The following PTPDC1 variants were observed in gnomAD, a reference collection of about 807,000 sequenced individuals.
PTPDC1 encodes the protein protein tyrosine phosphatase domain containing 1.
Under a neutral mutation model 75.3 loss-of-function variants are expected in PTPDC1, and 53 were observed. The ratio of observed to expected loss-of-function variants is 0.70; its 90% CI spans 0.56 to 0.88. The LOEUF (loss-of-function observed/expected upper bound fraction) is 0.88, where lower values mean the gene tolerates loss of function less well. Among genes scored for constraint, PTPDC1 ranks in the 40% least tolerant of loss-of-function variants. The pLI is 0.00. For missense variants in PTPDC1, 925 were observed against 998.6 expected (o/e 0.93, Z 0.99); for synonymous variants, 349 against 366.2 (o/e 0.95, Z 0.54).
rs1827672810 is a variant in PTPDC1 at position 94,097,928 on chromosome 9, G to A, written c.1362G>A (p.Arg454=). 1.9e-6 allele frequency: 3 copies of A among 1,613,986 alleles called. No homozygotes were observed. Among genetic ancestry groups the A allele is most frequent in the African/African-American group, 2.7e-5 (2 of 74,888 alleles). The change falls in exon 6 of 9, where the codon AGG becomes AGA. Residue 454 remains arginine, a synonymous_variant. Transcript: ENST00000620992. ...RLSYSDSDLK[R]AENLLEQGET... The stretch of plus-strand genomic sequence containing the variant: ...GCTACAGTGACTCAGATTTAAAGAG[G>A]GCCGAGAACCTCCTGGAGCAAGGGG...
At chr9:94,046,197 G>A (rs1825593905) in intron 1 of PTPDC1, among the ~76,000 whole-genome samples, 1 of 152,216 alleles carries the variant, frequency 6.6e-6, no homozygotes, top group East Asian at 1.9e-4. Flanking sequence ...CTGTTCCATT[G>A]GTCTATATCT....
At position 94,088,159 on chromosome 9, in the gene PTPDC1, C is replaced by T; in HGVS notation, c.512C>T (p.Thr171Ile). Residue 171 changes from threonine to isoleucine, a missense_variant, in exon 4 of 9, where the codon ACA becomes ATA. Transcript: ENST00000620992. Reference sequence around the variant, plus strand: ...TTTCCTTTAAGCCATGGCATAAAAACAATAATCAACCTCCAGCGCCCTGGT... The same window carrying T: ...TTTCCTTTAAGCCATGGCATAAAAATAATAATCAACCTCCAGCGCCCTGGT... ...IDQFLSHGIK[T>I]IINLQRPGEH... is the part of the protein sequence containing the mutation. The T allele has an allele frequency of 6.2e-7, 1 of 1,613,274 alleles. No individual in the cohort carries two copies. The highest frequency in any genetic ancestry group is 1.1e-5 in the South Asian group (1 of 90,874).
intron 1 of PTPDC1, among the ~76,000 whole-genome samples, chr9:94,059,169 G>T (rs770330361): frequency 8.6e-5 from 13 of 151,914 alleles, no homozygotes; most frequent in Non-Finnish European, 1.8e-4. Flanking sequence ...ATACAAGATG[G>T]TAAAAAAAAA....
chr9:94,076,847 A>T (rs1826710914), intron 2 of PTPDC1, among the ~76,000 whole-genome samples: 1 of 151,984 alleles, frequency 6.6e-6, no homozygotes, highest in Non-Finnish European at 1.5e-5. Flanking sequence ...GATACTTATT[A>T]TTGTCGGGCA....
intron 6 of PTPDC1, among the ~76,000 whole-genome samples, chr9:94,099,253 A>G (rs1827746684): frequency 6.6e-6 from 1 of 152,188 alleles, no homozygotes; most frequent in South Asian, 2.1e-4. Flanking sequence ...ATACAGTCAT[A>G]AGTCAGCCAC....
At chr9:94,080,667 C>G (rs1826846948), upstream of PTPDC1, among the ~76,000 whole-genome samples, 1 of 152,210 alleles carries the variant, frequency 6.6e-6, no homozygotes, top group Non-Finnish European at 1.5e-5. Context: ...CTGGCCTATA[C>G]TCTTCAAAAG....
chr9:94,038,140 C>T (rs1326638262), intron 1 of PTPDC1: 1 of 602,874 alleles, frequency 1.7e-6, no homozygotes, highest in Non-Finnish European at 3.1e-6. Flanking sequence ...ATGGTCTCTT[C>T]GGGCAGAAGA....
chr9:94,055,716 A>T (rs145342144), intron 1 of PTPDC1, among the ~76,000 whole-genome samples: 2,219 of 152,300 alleles, frequency 0.015, 40 homozygotes, highest in African/African-American at 0.05. Context: ...TCAAACCTGC[A>T]CATTGTGCAC....
chr9:94,085,934 A>G (rs1249869152), intron 2 of PTPDC1, among the ~76,000 whole-genome samples: 1 of 152,154 alleles, frequency 6.6e-6, no homozygotes, highest in African/African-American at 2.4e-5. Flanking sequence ...TGCTTTTTTT[A>G]TGGTGTATAA....
chr9:94,094,482 C>A (rs1214109149), intron 4 of PTPDC1, among the ~76,000 whole-genome samples: 1 of 152,214 alleles, frequency 6.6e-6, no homozygotes, highest in Non-Finnish European at 1.5e-5. Context: ...CTTTTCAAAG[C>A]TGTCAGACAG....
chr9:94,067,587 G>C (rs1267316127), intron 2 of PTPDC1, among the ~76,000 whole-genome samples: 1 of 152,022 alleles, frequency 6.6e-6, no homozygotes, highest in Non-Finnish European at 1.5e-5. Context: ...TCCAAAAAAA[G>C]TCAATACATT....
chr9:94,046,416 A>G (rs1825600967), intron 1 of PTPDC1, among the ~76,000 whole-genome samples: 1 of 152,146 alleles, frequency 6.6e-6, no homozygotes, highest in Non-Finnish European at 1.5e-5. Context: ...ATGGCATTGA[A>G]TCTATAAATT....
At chr9:94,088,103 A>G (rs1367845683) in intron 3 of PTPDC1, 42 bp from the exon 4 acceptor site, 1 of 1,586,334 alleles carries the variant, frequency 6.3e-7, no homozygotes, top group South Asian at 1.2e-5. Context: ...TTTTTTTTAA[A>G]TGCTAGCTCC....
intron 6 of PTPDC1, 53 bp from the exon 7 acceptor site, chr9:94,101,513 C>G (rs891126211): frequency 7.0e-7 from 1 of 1,421,108 alleles, no homozygotes. Context: ...GCACCTCCCT[C>G]TCCTCTCCCT....
chr9:94,105,456 T>C (rs1827980774), intron 8 of PTPDC1, among the ~76,000 whole-genome samples: 1 of 152,070 alleles, frequency 6.6e-6, no homozygotes, highest in South Asian at 2.1e-4. Flanking sequence ...GATCATGAGA[T>C]CAGGAGATTG....
chr9:94,076,583 T>G (rs773200329), intron 2 of PTPDC1, among the ~76,000 whole-genome samples: 1 of 152,070 alleles, frequency 6.6e-6, no homozygotes, highest in African/African-American at 2.4e-5. Flanking sequence ...CACATTCCAT[T>G]TATCCATTCC....
intron 1 of PTPDC1, among the ~76,000 whole-genome samples, chr9:94,034,131 A>G (rs1326657156): frequency 6.6e-6 from 1 of 152,256 alleles, no homozygotes; most frequent in African/African-American, 2.4e-5. Context: ...TTAACATGGT[A>G]AGAAAATATG....
chr9:94,067,136 T>C (rs2117882963), intron 2 of PTPDC1, among the ~76,000 whole-genome samples: 1 of 152,246 alleles, frequency 6.6e-6, no homozygotes, highest in South Asian at 2.1e-4. Context: ...ACGCCTGTAA[T>C]CTCAGCACTT....
At chr9:94,039,805 C>T (rs1825378279) in intron 1 of PTPDC1, among the ~76,000 whole-genome samples, 1 of 152,164 alleles carries the variant, frequency 6.6e-6, no homozygotes, top group African/African-American at 2.4e-5. Context: ...AATCCCACCA[C>T]TGTGAATATT....
Sources: gnomAD v4.1 joint callset for allele counts (sites outside exome capture counted in the v4.1 genomes callset) on GRCh38, gnomAD v4.1.1 for gene constraint, MANE v1.5 for transcripts, NCBI Gene and HGNC (gene_info 2026-07-23, HGNC 2026-07-21) for gene names.